Variants in ASTN2 observed in about 807,000 individuals in gnomAD.
The protein encoded by ASTN2 is astrotactin 2, also known as astrotactin-2.
A neutral mutation model predicts 139.8 loss-of-function variants in ASTN2; 54 were observed. The observed-to-expected ratio is 0.39, with a 90% CI of 0.31 to 0.48. The LOEUF (loss-of-function observed/expected upper bound fraction) is 0.48, where lower values mean the gene tolerates loss of function less well. Ranked by LOEUF, ASTN2 falls within the 20% of genes least tolerant of loss-of-function variation. The probability of loss-of-function intolerance (pLI) is 0.95; values close to 1 mark genes in which losing one functional copy is unlikely to be tolerated. For missense variants in ASTN2, 1,565 were observed against 1,725.1 expected (o/e 0.91, Z 1.64); for synonymous variants, 756 against 719.5 (o/e 1.05, Z -0.81).
chr9:117,012,296 G>A (rs534846403), intron 6 of ASTN2, among the ~76,000 whole-genome samples: 1 of 152,248 alleles, frequency 6.6e-6, no homozygotes, highest in African/African-American at 2.4e-5. Context: ...TGGCTCCTGA[G>A]CTCTTATTCA....
intron 13 of ASTN2, among the ~76,000 whole-genome samples, chr9:116,750,892 A>G (rs1588263492): frequency 6.6e-6 from 1 of 152,224 alleles, no homozygotes; most frequent in Non-Finnish European, 1.5e-5. Flanking sequence ...GAAAAATACA[A>G]ATCCAATTAA....
chr9:116,620,306 G>A lies in ASTN2; in HGVS notation c.3206+4C>T, dbSNP rs1389048877. 5.0e-6 allele frequency: 8 copies of A among 1,613,950 alleles called. No individual in the cohort carries two copies. The African/African-American group carries it at 5.3e-5, about 11-fold the overall frequency. Reference sequence around the variant, plus strand: ...CCAAAGGAAAAGGGGCCATACATACGTACACCGGCTGCAGAAGGGGGCTGC... The same window carrying A: ...CCAAAGGAAAAGGGGCCATACATACATACACCGGCTGCAGAAGGGGGCTGC... On this transcript the variant is annotated splice_donor_region_variant and intron_variant, in intron 18 of 22. Transcript: ENST00000313400.
intron 19 of ASTN2, among the ~76,000 whole-genome samples, chr9:116,528,076 AG>A (rs1453922430): frequency 2.0e-5 from 3 of 152,200 alleles, no homozygotes; most frequent in South Asian, 2.1e-4. Context: ...CAACTTTGGA[AG>A]GGGGTAACAG....
chr9:117,152,532 C>G (rs1164229500), intron 3 of ASTN2, among the ~76,000 whole-genome samples: 1 of 152,174 alleles, frequency 6.6e-6, no homozygotes, highest in East Asian at 1.9e-4. Context: ...GCTCTCATAT[C>G]TTGCTCTTTC....
At chr9:116,862,220 C>T (rs1998897) in intron 11 of ASTN2, among the ~76,000 whole-genome samples, 98 of 152,216 alleles carry the variant, frequency 6.4e-4, no homozygotes, top group Middle Eastern at 3.4e-3. Context: ...TTCTGTCTCC[C>T]TTGGGTCTTG....
intron 11 of ASTN2, among the ~76,000 whole-genome samples, chr9:116,862,714 C>T (rs147836420): frequency 6.6e-6 from 1 of 151,772 alleles, no homozygotes; most frequent in African/African-American, 2.4e-5. Flanking sequence ...TGAAAAGGGA[C>T]CACAGAAAGA....
intron 1 of ASTN2, among the ~76,000 whole-genome samples, chr9:117,368,555 G>A (rs1829907469): frequency 6.6e-6 from 1 of 152,112 alleles, no homozygotes; most frequent in African/African-American, 2.4e-5. Context: ...TGTGTAACAG[G>A]TGAGTTTTTC....
At chr9:117,184,713 G>A (rs993969374) in intron 3 of ASTN2, among the ~76,000 whole-genome samples, 1 of 152,156 alleles carries the variant, frequency 6.6e-6, no homozygotes, top group Non-Finnish European at 1.5e-5. Context: ...AAGTCATATG[G>A]CACTGAGTTC....
At chr9:116,547,147 G>A (rs966765503) in intron 19 of ASTN2, among the ~76,000 whole-genome samples, 1 of 152,164 alleles carries the variant, frequency 6.6e-6, no homozygotes, top group Admixed American at 6.5e-5. Context: ...GAGGTTTCCA[G>A]AGAAGACCAA....
At chr9:117,175,028 T>C (rs937923348) in intron 3 of ASTN2, among the ~76,000 whole-genome samples, 2 of 152,018 alleles carry the variant, frequency 1.3e-5, no homozygotes, top group African/African-American at 4.8e-5. Flanking sequence ...TTCGCAAGAC[T>C]ATTAATGGCA....
chr9:116,714,627 T>G (rs1303246827), intron 16 of ASTN2, among the ~76,000 whole-genome samples: 2 of 152,166 alleles, frequency 1.3e-5, no homozygotes, highest in Non-Finnish European at 2.9e-5. Context: ...CTGACCTAAG[T>G]CACACATCTA....
intron 10 of ASTN2, among the ~76,000 whole-genome samples, chr9:116,941,802 CA>C (rs1835238458): frequency 6.6e-6 from 1 of 151,868 alleles, no homozygotes; most frequent in Non-Finnish European, 1.5e-5. Context: ...TTCATTACAA[CA>C]GCCTTACGCA....
intron 2 of ASTN2, among the ~76,000 whole-genome samples, chr9:117,216,078 A>G (rs564137200): frequency 2.0e-5 from 3 of 152,296 alleles, no homozygotes; most frequent in African/African-American, 7.2e-5. Context: ...ATTGAAGGCA[A>G]GGACAAATTC....
chr9:117,005,250 A>ATTTTTTTT (rs35449201), intron 7 of ASTN2, among the ~76,000 whole-genome samples: 1 of 142,458 alleles, frequency 7.0e-6, no homozygotes, highest in Non-Finnish European at 1.5e-5. Context: ...AAGCCCAGCT[A>ATTTTTTTT]TTTTTTTTTT....
intron 20 of ASTN2, among the ~76,000 whole-genome samples, chr9:116,463,530 T>C (rs1469739147): frequency 2.6e-5 from 4 of 152,226 alleles, no homozygotes; most frequent in Non-Finnish European, 5.9e-5. Context: ...TTTTGCTGTG[T>C]CCCTGCTGAA....
intron 2 of ASTN2, among the ~76,000 whole-genome samples, chr9:117,258,389 C>T (rs545732188): frequency 5.9e-5 from 9 of 152,288 alleles, no homozygotes; most frequent in African/African-American, 2.2e-4. Flanking sequence ...CAACGCACAA[C>T]TCAGACTCAA....
chr9:116,517,845 T>C (rs1315233473), intron 19 of ASTN2, among the ~76,000 whole-genome samples: 3 of 152,052 alleles, frequency 2.0e-5, no homozygotes, highest in Non-Finnish European at 2.9e-5. Flanking sequence ...AGGACACGCT[T>C]AGAGAGAGCA....
At chr9:116,702,877 G>A (rs897534313) in intron 16 of ASTN2, among the ~76,000 whole-genome samples, 1 of 152,194 alleles carries the variant, frequency 6.6e-6, no homozygotes, top group Non-Finnish European at 1.5e-5. Context: ...CTGTAGAGGG[G>A]CACTCTTATT....
At chr9:116,808,920 C>G (rs905370786) in intron 12 of ASTN2, among the ~76,000 whole-genome samples, 5 of 152,092 alleles carry the variant, frequency 3.3e-5, no homozygotes, top group Non-Finnish European at 5.9e-5. Flanking sequence ...TTTCATGTTA[C>G]GGTCACTTGC....
Sources: gnomAD v4.1 joint callset for allele counts (sites outside exome capture counted in the v4.1 genomes callset) on GRCh38, gnomAD v4.1.1 for gene constraint, MANE v1.5 for transcripts, NCBI Gene and HGNC (gene_info 2026-07-23, HGNC 2026-07-21) for gene names.